Variants in EPHA6 observed in about 807,000 individuals in gnomAD.
EPHA6 encodes the protein ephrin type-A receptor 6.
In EPHA6, 50 loss-of-function variants were observed where a neutral mutation model predicts 112.0. That is an observed-to-expected ratio of 0.45 (90% confidence interval 0.36 to 0.56). The LOEUF is 0.56. Among genes scored for constraint, EPHA6 ranks in the 20% least tolerant of loss-of-function variants. The pLI is 0.00. For missense variants in EPHA6, 1,280 were observed against 1,417.4 expected (o/e 0.90, Z 1.56); for synonymous variants, 529 against 490.7 (o/e 1.08, Z -1.03).
intron 2 of EPHA6, among the ~76,000 whole-genome samples, chr3:96,885,320 T>C (rs1487119700): frequency 1.3e-5 from 2 of 152,168 alleles, no homozygotes; most frequent in Non-Finnish European, 2.9e-5. Flanking sequence ...CTTCTTTGAA[T>C]GTCTGGTGGA....
chr3:97,705,503 T>C (rs555419942), intron 14 of EPHA6, among the ~76,000 whole-genome samples: 52 of 152,306 alleles, frequency 3.4e-4, no homozygotes, highest in Non-Finnish European at 4.1e-4. Flanking sequence ...CCAATATTAA[T>C]TGAGCACTTA....
chr3:97,641,283 T>C (rs1045634396), intron 14 of EPHA6, among the ~76,000 whole-genome samples: 3 of 152,216 alleles, frequency 2.0e-5, no homozygotes, highest in Admixed American at 2.0e-4. Flanking sequence ...ATTCTATGAA[T>C]GTACTTAGCC....
At chr3:97,156,739 G>A (rs181635424) in intron 3 of EPHA6, among the ~76,000 whole-genome samples, 1 of 152,104 alleles carries the variant, frequency 6.6e-6, no homozygotes, top group East Asian at 1.9e-4. Context: ...AACATTGCTT[G>A]TTTTACTCTT....
chr3:97,367,765 G>T (rs952209966), intron 5 of EPHA6, among the ~76,000 whole-genome samples: 5 of 151,746 alleles, frequency 3.3e-5, no homozygotes, highest in Admixed American at 2.0e-4. Context: ...GGAGTTTCAG[G>T]TTATATTACC....
intron 2 of EPHA6, among the ~76,000 whole-genome samples, chr3:96,868,853 T>C (rs2036476190): frequency 6.6e-6 from 1 of 152,012 alleles, no homozygotes; most frequent in Non-Finnish European, 1.5e-5. Context: ...TAGATTTTTC[T>C]TTTTACTTAA....
At chr3:96,911,145 ATTAT>A (rs1191864763) in intron 2 of EPHA6, among the ~76,000 whole-genome samples, 1 of 152,080 alleles carries the variant, frequency 6.6e-6, no homozygotes, top group African/African-American at 2.4e-5. Flanking sequence ...GGAATTAATA[ATTAT>A]TTAGCTACAG....
intron 14 of EPHA6, among the ~76,000 whole-genome samples, chr3:97,644,454 G>C (rs1220224976): frequency 6.6e-6 from 1 of 151,052 alleles, no homozygotes; most frequent in Non-Finnish European, 1.5e-5. Context: ...AGAACTGAAG[G>C]AAATAGAGAC....
At chr3:96,850,922 A>T (rs929265353) in intron 1 of EPHA6, among the ~76,000 whole-genome samples, 1 of 152,158 alleles carries the variant, frequency 6.6e-6, no homozygotes, top group Non-Finnish European at 1.5e-5. Flanking sequence ...AACAAATGAA[A>T]ATGCAAAACA....
chr3:96,837,689 T>G (rs1182917120), intron 1 of EPHA6, among the ~76,000 whole-genome samples: 2 of 152,096 alleles, frequency 1.3e-5, no homozygotes, highest in Non-Finnish European at 2.9e-5. Flanking sequence ...TCATTTTTGG[T>G]GTATTATGAC....
rs7650766 is a variant in EPHA6 at position 97,456,876 on chromosome 3, G to C, written c.1894+8146G>C. Among the ~76,000 whole-genome samples the C allele has an allele frequency of 7.9e-3, 1,199 of 152,092 alleles. 18 individuals are homozygous for C. The highest frequency in any genetic ancestry group is 0.028 in the African/African-American group (1,146 of 41,498). Reference sequence around the variant, plus strand: ...TTGAATTCTTAAAGAGAGCAAAAATGTTCCTTAGGTATTTCAAATTGCCCC... The same window carrying C: ...TTGAATTCTTAAAGAGAGCAAAAATCTTCCTTAGGTATTTCAAATTGCCCC... On this transcript the variant is annotated intron_variant, in intron 7 of 17. Coordinates refer to ENST00000389672, the MANE Select transcript of EPHA6 (RefSeq NM_001080448.3).
At chr3:97,668,042 G>T (rs1400064124) in intron 14 of EPHA6, among the ~76,000 whole-genome samples, 1 of 151,974 alleles carries the variant, frequency 6.6e-6, no homozygotes, top group Non-Finnish European at 1.5e-5. Flanking sequence ...CCCTCAATTT[G>T]TGTTATTTTA....
At chr3:97,289,307 A>G (rs2080594298) in intron 5 of EPHA6, among the ~76,000 whole-genome samples, 1 of 152,154 alleles carries the variant, frequency 6.6e-6, no homozygotes, top group Admixed American at 6.5e-5. Context: ...ATGGCTAGCC[A>G]CCCATCCCAG....
At chr3:97,578,519 C>T (rs1307321944) in intron 11 of EPHA6, among the ~76,000 whole-genome samples, 1 of 152,064 alleles carries the variant, frequency 6.6e-6, no homozygotes, top group Non-Finnish European at 1.5e-5. Flanking sequence ...CCCTTAACGA[C>T]AGGGGTTTTG....
intron 11 of EPHA6, among the ~76,000 whole-genome samples, chr3:97,584,319 A>C (rs2107303664): frequency 6.6e-6 from 1 of 152,336 alleles, no homozygotes; most frequent in Non-Finnish European, 1.5e-5. Flanking sequence ...CAGCCTAGTG[A>C]GAAAGACGAA....
chr3:97,390,647 G>A (rs952386616), intron 5 of EPHA6, among the ~76,000 whole-genome samples: 2 of 151,896 alleles, frequency 1.3e-5, no homozygotes, highest in African/African-American at 4.8e-5. Flanking sequence ...TATAGCTGGA[G>A]TATACAGAAA....
intron 7 of EPHA6, among the ~76,000 whole-genome samples, chr3:97,462,501 A>G (rs2090923180): frequency 6.6e-6 from 1 of 152,172 alleles, no homozygotes; most frequent in African/African-American, 2.4e-5. Flanking sequence ...CTTATGTATC[A>G]TAGCCACCTA....
intron 1 of EPHA6, among the ~76,000 whole-genome samples, chr3:96,815,628 T>C (rs567011649): frequency 3.3e-5 from 5 of 152,102 alleles, no homozygotes; most frequent in Admixed American, 6.5e-5. Flanking sequence ...TAGGGTGAAT[T>C]TCCAAGTTGT....
intron 14 of EPHA6, among the ~76,000 whole-genome samples, chr3:97,681,445 C>T (rs909382400): frequency 6.6e-6 from 1 of 151,820 alleles, no homozygotes; most frequent in Non-Finnish European, 1.5e-5. Flanking sequence ...AGAGAAAAAT[C>T]GAAAGGAAAT....
intron 15 of EPHA6, among the ~76,000 whole-genome samples, chr3:97,734,192 C>T (rs1669404822): frequency 6.6e-6 from 1 of 152,060 alleles, no homozygotes; most frequent in Non-Finnish European, 1.5e-5. Context: ...TATAACCTCA[C>T]TTGTCACCTA....
Sources: gnomAD v4.1 joint callset for allele counts (sites outside exome capture counted in the v4.1 genomes callset) on GRCh38, gnomAD v4.1.1 for gene constraint, MANE v1.5 for transcripts, NCBI Gene and HGNC (gene_info 2026-07-23, HGNC 2026-07-21) for gene names.